The following CAPN14 variants were observed in gnomAD, a reference collection of about 807,000 sequenced individuals.
CAPN14 encodes calpain 14.
In CAPN14, 94 loss-of-function variants were observed where a neutral mutation model predicts 101.3. That is an observed-to-expected ratio of 0.93 (90% CI 0.79 to 1.10). The LOEUF is 1.10. Among genes scored for constraint, CAPN14 ranks in the 50% least tolerant of loss-of-function variants. The pLI is 0.00. For synonymous variants in CAPN14, 338 were observed against 317.9 expected (o/e 1.06, Z -0.67); for missense variants, 837 against 828.4 (o/e 1.01, Z -0.13).
chr2:31,191,257 C>A (rs568474891), intron 12 of CAPN14, 142 bp downstream of exon 12: 8 of 802,144 alleles, frequency 1.0e-5, no homozygotes, highest in South Asian at 1.8e-5. Flanking sequence ...ACACAGGCAG[C>A]GGGCAGACAT....
chr2:31,191,677 A>C (rs1236779156), intron 11 of CAPN14, among the ~76,000 whole-genome samples: 1 of 152,234 alleles, frequency 6.6e-6, no homozygotes, highest in Non-Finnish European at 1.5e-5. Context: ...ACTATGTGCC[A>C]GGCACAATAA....
At chr2:31,224,364 T>A (rs138768794) in intron 2 of CAPN14, among the ~76,000 whole-genome samples, 1 of 152,142 alleles carries the variant, frequency 6.6e-6, no homozygotes, top group Non-Finnish European at 1.5e-5. Context: ...GATGCTTTGC[T>A]TTGGTAGAAT....
At chr2:31,231,538 T>C (rs1683191861) in intron 1 of CAPN14, among the ~76,000 whole-genome samples, 1 of 152,226 alleles carries the variant, frequency 6.6e-6, no homozygotes, top group South Asian at 2.1e-4. Flanking sequence ...TTATTGCTAG[T>C]CTATAGAAAT....
chr2:31,199,507 A>C lies in CAPN14; in HGVS notation c.752T>G (p.Val251Gly), dbSNP rs1463149960. Residue 251 changes from valine (V) to glycine (G), a missense_variant, in exon 7 of 22, where the codon GTG becomes GGG. Coordinates refer to ENST00000403897, the MANE Select transcript of CAPN14 (RefSeq NM_001145122.2). Reference protein sequence around the residue: ...SGEKILENGLVEGHAYTLTGI... With the variant: ...SGEKILENGLGEGHAYTLTGI... ...TGTGAGAGTATAGGCATGGCCTTCC[A>C]CCAGCCCATTCTCCAGAATCTTCTC... is the stretch of plus-strand genomic sequence containing the variant. 3.9e-6 allele frequency: 6 copies of C among 1,551,534 alleles called. No homozygotes were observed. The highest frequency in any genetic ancestry group is 4.9e-5 in the East Asian group (2 of 40,908).
At chr2:31,224,919 G>A (rs993143442) in intron 2 of CAPN14, among the ~76,000 whole-genome samples, 1 of 152,096 alleles carries the variant, frequency 6.6e-6, no homozygotes, top group African/African-American at 2.4e-5. Flanking sequence ...GAAAGATTAA[G>A]TATTAAAAAT....
chr2:31,226,920 A>G (rs1033688535), intron 1 of CAPN14, among the ~76,000 whole-genome samples: 8 of 152,158 alleles, frequency 5.3e-5, no homozygotes, highest in African/African-American at 1.9e-4. Flanking sequence ...AGGATGATAG[A>G]TAGCTCAATC....
At chr2:31,184,393 T>C (rs902139720) in intron 16 of CAPN14, among the ~76,000 whole-genome samples, 4 of 152,240 alleles carry the variant, frequency 2.6e-5, no homozygotes, top group African/African-American at 9.6e-5. Flanking sequence ...CATCTGAATA[T>C]TTCTCAAACT....
At position 31,187,763 on chromosome 2, in the gene CAPN14, C is replaced by T; in HGVS notation, c.1582G>A (p.Glu528Lys). ...RQDEFFTKFF[E>K]KHPEINAVQL... Reference sequence around the variant, plus strand: ...ACCACACCTGTTCAACTAACCTTTTCAAAGAATTTGGTGAAGAATTCATCC... The same window carrying T: ...ACCACACCTGTTCAACTAACCTTTTTAAAGAATTTGGTGAAGAATTCATCC... Residue 528 changes from glutamate to lysine, a missense_variant, in exon 15 of 22, where the codon GAA becomes AAA. Transcript: ENST00000403897. 1 of 1,551,496 alleles carries T rather than the reference C, an allele frequency of 6.4e-7. No individual in the cohort carries two copies. Among genetic ancestry groups the T allele is most frequent in the Non-Finnish European group, 8.7e-7 (1 of 1,146,570 alleles).
chr2:31,223,020 A>C (rs756602925), intron 2 of CAPN14, among the ~76,000 whole-genome samples: 8 of 152,208 alleles, frequency 5.3e-5, no homozygotes, highest in Non-Finnish European at 1.2e-4. Context: ...GGCAACAAGC[A>C]ACCTGGAAGA....
intron 7 of CAPN14, among the ~76,000 whole-genome samples, chr2:31,198,292 A>T (rs928787973): frequency 1.3e-5 from 2 of 152,214 alleles, no homozygotes; most frequent in African/African-American, 2.4e-5. Flanking sequence ...AGACGGAATC[A>T]AATGTTCATC....
intron 8 of CAPN14, among the ~76,000 whole-genome samples, chr2:31,195,013 T>G (rs1037834650): frequency 1.3e-5 from 2 of 152,174 alleles, no homozygotes; most frequent in South Asian, 4.1e-4. Context: ...CACCTAGGCT[T>G]TCTTCCTGAA....
upstream of CAPN14, among the ~76,000 whole-genome samples, chr2:31,220,616 A>C (rs1682834575): frequency 6.6e-6 from 1 of 152,190 alleles, no homozygotes; most frequent in Non-Finnish European, 1.5e-5. Flanking sequence ...CGAGGTCAGG[A>C]GACCAACATG....
upstream of CAPN14, among the ~76,000 whole-genome samples, chr2:31,221,293 C>A (rs1682855704): frequency 6.6e-6 from 1 of 152,220 alleles, no homozygotes; most frequent in Admixed American, 6.5e-5. Context: ...ACAAGGACTG[C>A]TCTGTCTGGG....
At chr2:31,200,336 G>T in intron 6 of CAPN14, 115 bp downstream of exon 6, 1 of 926,886 alleles carries the variant, frequency 1.1e-6, no homozygotes, top group Non-Finnish European at 1.6e-6. Flanking sequence ...CAGGACCTCA[G>T]CACTAGGAGC....
rs756326156 is a variant in CAPN14, at chr2:31,193,213, C to T, written c.1032G>A (p.Ala344=). The stretch of plus-strand genomic sequence containing the variant: ...GCATGGTGTACGTCCACTTCTGGGC[C>T]GCCTCCTGGCTCAACAGGCCTGGGG... ...KLTPGLLSQE[A]AQKWTYTMRE... The change falls in exon 10 of 22, where the codon GCG becomes GCA. Residue 344 remains alanine (A), a synonymous_variant. Coordinates refer to ENST00000403897, the MANE Select transcript of CAPN14 (RefSeq NM_001145122.2). 36 of 1,551,576 alleles carry T rather than the reference C, an allele frequency of 2.3e-5. No homozygotes were observed. Among genetic ancestry groups the T allele is most frequent in the Admixed American group, 7.8e-5 (4 of 50,992 alleles).
chr2:31,214,258 C>T (rs1682534633), intron 1 of CAPN14, among the ~76,000 whole-genome samples: 2 of 152,200 alleles, frequency 1.3e-5, no homozygotes, highest in Non-Finnish European at 2.9e-5. Flanking sequence ...CCCTCCCCTC[C>T]CCTCTTATGA....
At chr2:31,188,503 C>T (rs1681020636) in intron 13 of CAPN14, 149 bp from the exon 14 acceptor site, 2 of 694,782 alleles carry the variant, frequency 2.9e-6, no homozygotes, top group African/African-American at 1.8e-5. Context: ...CCTCCTGCTT[C>T]CCCTTGAACT....
intron 2 of CAPN14, among the ~76,000 whole-genome samples, chr2:31,223,673 C>T (rs111976715): frequency 0.12 from 18,721 of 151,306 alleles, 1,443 homozygotes; most frequent in African/African-American, 0.21. Flanking sequence ...GGACTACAGA[C>T]GCCCACCACG....
At chr2:31,193,675 T>C (rs1405643382) in intron 9 of CAPN14, among the ~76,000 whole-genome samples, 1 of 152,252 alleles carries the variant, frequency 6.6e-6, no homozygotes. Flanking sequence ...TAATCATTAA[T>C]TCATGAAGAT....
Sources: allele counts gnomAD v4.1 joint callset (sites outside exome capture counted in the v4.1 genomes callset), GRCh38; gene constraint gnomAD v4.1.1; transcripts MANE v1.5; gene names NCBI Gene and HGNC (gene_info 2026-07-23, HGNC 2026-07-21).